The following TUSC3 variants were observed in gnomAD, a reference collection of about 807,000 sequenced individuals.
TUSC3 encodes dolichyl-diphosphooligosaccharide--protein glycosyltransferase subunit TUSC3.
Under a neutral mutation model 44.8 loss-of-function variants are expected in TUSC3, and 45 were observed. That is an observed-to-expected ratio of 1.00 (90% CI 0.79 to 1.29). TUSC3 has a LOEUF of 1.29. TUSC3 is among the 50% of genes most tolerant of loss of function. TUSC3 has a pLI of 0.00. For missense variants in TUSC3, 519 were observed against 437.9 expected (o/e 1.19, Z -1.65); for synonymous variants, 212 against 152.9 (o/e 1.39, Z -2.85).
At chr8:15,788,537 ACT>A in the TUSC3 span, among the ~76,000 whole-genome samples, 1 of 138,148 alleles carries the variant, frequency 7.2e-6, no homozygotes, top group Non-Finnish European at 1.5e-5. Context: ...ACAGAGTGAG[ACT>A]CTATCTCAAA....
the TUSC3 span, among the ~76,000 whole-genome samples, chr8:15,837,722 A>T: frequency 1.3e-5 from 2 of 152,110 alleles, no homozygotes; most frequent in African/African-American, 4.8e-5. Context: ...AATTGACTAA[A>T]TTTTTTTAAT....
chr8:15,573,247 T>G (rs1309358465), intron 1 of TUSC3, among the ~76,000 whole-genome samples: 6 of 144,390 alleles, frequency 4.2e-5, no homozygotes, highest in East Asian at 2.0e-4. Flanking sequence ...TTTTTTTTTT[T>G]GGGCATACCA....
At chr8:15,520,264 A>G (rs1362464549) in intron 2 of TUSC3, among the ~76,000 whole-genome samples, 1 of 152,202 alleles carries the variant, frequency 6.6e-6, no homozygotes, top group Non-Finnish European at 1.5e-5. Flanking sequence ...AAGGATATAG[A>G]TATGTTTAAA....
Position 15,764,488 on chromosome 8 carries a change from T to C in TUSC3, c.*332T>C. 2.6e-6 allele frequency: 1 copy of C among 389,508 alleles called. No individual in the cohort carries two copies. Among genetic ancestry groups the C allele is most frequent in the Non-Finnish European group, 4.8e-6 (1 of 207,088 alleles). 24.1% of individuals were successfully genotyped at this position (389,508 alleles called of 1,614,324 possible). A position where few individuals can be genotyped will look rare whatever the true frequency, so the allele number is the denominator to read the frequency against. On this transcript the variant is annotated 3_prime_UTR_variant, in exon 11 of 11. Transcript: ENST00000503731. ...AATAAATGACAATGTAATTATGAAT[T>C]CATGTTTTAGAGCTGTTTACTCATT...
At chr8:15,738,597 A>G (rs1447679070) in intron 7 of TUSC3, among the ~76,000 whole-genome samples, 1 of 152,128 alleles carries the variant, frequency 6.6e-6, no homozygotes, top group Non-Finnish European at 1.5e-5. Context: ...CTTTCCTGAA[A>G]AAGTATGGCA....
At chr8:15,655,538 C>T (rs138641255) in intron 3 of TUSC3, among the ~76,000 whole-genome samples, 1 of 152,230 alleles carries the variant, frequency 6.6e-6, no homozygotes, top group African/African-American at 2.4e-5. Flanking sequence ...GAACAGTGCA[C>T]TTTGATGTCT....
chr8:15,646,362 A>G (rs1251361298), intron 2 of TUSC3, among the ~76,000 whole-genome samples: 1 of 152,008 alleles, frequency 6.6e-6, no homozygotes, highest in African/African-American at 2.4e-5. Context: ...TATTCTTCCC[A>G]TTATCTTCAT....
At chr8:15,814,192 T>G in the TUSC3 span, among the ~76,000 whole-genome samples, 45 of 152,334 alleles carry the variant, frequency 3.0e-4, no homozygotes, top group African/African-American at 1.0e-3. Context: ...ATTTAATGTT[T>G]GACTTACCTG....
chr8:15,851,115 A>C, the TUSC3 span, among the ~76,000 whole-genome samples: 5 of 152,334 alleles, frequency 3.3e-5, no homozygotes, highest in African/African-American at 9.6e-5. Flanking sequence ...TGGGAGCTCA[A>C]CATTAATGAT....
the TUSC3 span, among the ~76,000 whole-genome samples, chr8:15,783,051 C>G: frequency 6.6e-6 from 1 of 152,142 alleles, no homozygotes; most frequent in Non-Finnish European, 1.5e-5. Context: ...ATCACCATTT[C>G]CATACACTAA....
intron 1 of TUSC3, among the ~76,000 whole-genome samples, chr8:15,467,361 C>T (rs1800427914): frequency 6.6e-6 from 1 of 151,006 alleles, no homozygotes; most frequent in Non-Finnish European, 1.5e-5. Flanking sequence ...CTCACTAAGT[C>T]AAAAACTATA....
chr8:15,591,407 T>G (rs1462046822), intron 1 of TUSC3, among the ~76,000 whole-genome samples: 1 of 152,172 alleles, frequency 6.6e-6, no homozygotes, highest in African/African-American at 2.4e-5. Context: ...ATCTATTCAT[T>G]TATTAATTTC....
At chr8:15,458,450 GC>G (rs1423550123) in intron 1 of TUSC3, among the ~76,000 whole-genome samples, 4 of 152,080 alleles carry the variant, frequency 2.6e-5, no homozygotes, top group African/African-American at 4.8e-5. Context: ...TGTTGCGCAG[GC>G]TGGTCTCAAA....
At chr8:15,492,315 A>G (rs1800820209) in intron 2 of TUSC3, among the ~76,000 whole-genome samples, 1 of 152,218 alleles carries the variant, frequency 6.6e-6, no homozygotes, top group Non-Finnish European at 1.5e-5. Context: ...GATCAATAAC[A>G]TTTAATATTA....
At chr8:15,830,160 G>A in the TUSC3 span, among the ~76,000 whole-genome samples, 2 of 151,288 alleles carry the variant, frequency 1.3e-5, no homozygotes, top group East Asian at 3.9e-4. Context: ...TTTTTTTCCT[G>A]TTGTTAGAGT....
intron 5 of TUSC3, among the ~76,000 whole-genome samples, chr8:15,673,092 T>A (rs1293512518): frequency 6.6e-6 from 1 of 152,076 alleles, no homozygotes; most frequent in African/African-American, 2.4e-5. Flanking sequence ...TTCTGGTTTA[T>A]GCATTCTCTC....
At chr8:15,744,800 A>T (rs576063716) in intron 8 of TUSC3, among the ~76,000 whole-genome samples, 1 of 152,004 alleles carries the variant, frequency 6.6e-6, no homozygotes, top group African/African-American at 2.4e-5. Context: ...AGGACATACT[A>T]TTTTTTTAAT....
chr8:15,564,428 T>C (rs1802591374), intron 1 of TUSC3, among the ~76,000 whole-genome samples: 1 of 152,212 alleles, frequency 6.6e-6, no homozygotes, highest in Non-Finnish European at 1.5e-5. Context: ...CTGTCTACCG[T>C]ATATTATTAC....
At chr8:15,750,257 G>T (rs1252247518) in intron 9 of TUSC3, among the ~76,000 whole-genome samples, 1 of 152,014 alleles carries the variant, frequency 6.6e-6, no homozygotes, top group Non-Finnish European at 1.5e-5. Context: ...GGGATTACAG[G>T]CGTGAGCCAC....
Sources: gnomAD v4.1 joint callset for allele counts (sites outside exome capture counted in the v4.1 genomes callset) on GRCh38, gnomAD v4.1.1 for gene constraint, MANE v1.5 for transcripts, NCBI Gene and HGNC (gene_info 2026-07-23, HGNC 2026-07-21) for gene names.